The following POFUT3 variants were observed in gnomAD, a reference collection of about 807,000 sequenced individuals.
POFUT3 encodes the protein protein O-fucosyltransferase 3, also known as GDP-fucose protein O-fucosyltransferase 3.
chr8:33,391,799 G>A, the POFUT3 span, among the ~76,000 whole-genome samples: 25 of 152,144 alleles, frequency 1.6e-4, no homozygotes, highest in African/African-American at 5.8e-4. Flanking sequence ...ACAAAAGTGG[G>A]TCCAGAATTA....
chr8:33,464,320 TCATTGGCA>T, the POFUT3 span, among the ~76,000 whole-genome samples: 2 of 152,148 alleles, frequency 1.3e-5, no homozygotes, highest in African/African-American at 4.8e-5. Context: ...GAGTAACCTA[TCATTGGCA>T]AGGCCTTTCC....
the POFUT3 span, among the ~76,000 whole-genome samples, chr8:33,329,974 CTAA>C: frequency 6.6e-6 from 1 of 151,710 alleles, no homozygotes; most frequent in Non-Finnish European, 1.5e-5. Flanking sequence ...TACCCTTTAA[CTAA>C]TAATAATAAT....
chr8:33,467,759 C>G, the POFUT3 span, among the ~76,000 whole-genome samples: 1 of 152,186 alleles, frequency 6.6e-6, no homozygotes, highest in Non-Finnish European at 1.5e-5. Flanking sequence ...TTAAGATGGA[C>G]AGAAGAGGGA....
At chr8:33,380,395 T>G in the POFUT3 span, among the ~76,000 whole-genome samples, 2 of 149,818 alleles carry the variant, frequency 1.3e-5, no homozygotes, top group African/African-American at 4.9e-5. Context: ...TAAGCTACTT[T>G]CAATTCTGAC....
chr8:33,389,497 G>A, the POFUT3 span: 1 of 1,614,190 alleles, frequency 6.2e-7, no homozygotes. Flanking sequence ...AGCTGTCCCT[G>A]TCTGATGGTG....
chr8:33,471,597 C>A, the POFUT3 span, among the ~76,000 whole-genome samples: 1 of 152,150 alleles, frequency 6.6e-6, no homozygotes, highest in Non-Finnish European at 1.5e-5. Flanking sequence ...TTGGAAATAT[C>A]TGCCTACTGA....
chr8:33,442,206 C>A, the POFUT3 span, among the ~76,000 whole-genome samples: 1 of 152,106 alleles, frequency 6.6e-6, no homozygotes, highest in Non-Finnish European at 1.5e-5. Context: ...ACCTTGTGAT[C>A]TGCCCGCCTC....
chr8:33,446,854 G>A, the POFUT3 span, among the ~76,000 whole-genome samples: 1 of 152,202 alleles, frequency 6.6e-6, no homozygotes, highest in Non-Finnish European at 1.5e-5. Context: ...ATTGAAGAAT[G>A]AGGACTGCAG....
chr8:33,464,302 T>C, the POFUT3 span, among the ~76,000 whole-genome samples: 3 of 152,176 alleles, frequency 2.0e-5, no homozygotes, highest in Non-Finnish European at 4.4e-5. Context: ...AGATTGCTAA[T>C]ATTTGTTGAG....
chr8:33,454,869 T>C, the POFUT3 span, among the ~76,000 whole-genome samples: 1 of 152,030 alleles, frequency 6.6e-6, no homozygotes, highest in Non-Finnish European at 1.5e-5. Context: ...GGTTTCACTA[T>C]ATTGGCCAGG....
the POFUT3 span, among the ~76,000 whole-genome samples, chr8:33,404,083 A>T: frequency 6.6e-6 from 1 of 152,172 alleles, no homozygotes; most frequent in Non-Finnish European, 1.5e-5. Context: ...CACACCTGTA[A>T]TCCTAGCACT....
At chr8:33,356,497 T>C in the POFUT3 span, among the ~76,000 whole-genome samples, 1 of 152,214 alleles carries the variant, frequency 6.6e-6, no homozygotes, top group Non-Finnish European at 1.5e-5. Context: ...TTCATGTCCT[T>C]TGCCCACTTT....
chr8:33,401,758 G>A, the POFUT3 span, among the ~76,000 whole-genome samples: 7 of 151,928 alleles, frequency 4.6e-5, no homozygotes, highest in Non-Finnish European at 8.8e-5. Context: ...GGCCAGGCAC[G>A]GTGGCTCACC....
the POFUT3 span, among the ~76,000 whole-genome samples, chr8:33,407,630 TCAGCAAACCCTC>T: frequency 8.5e-5 from 13 of 152,176 alleles, no homozygotes; most frequent in African/African-American, 3.1e-4. Context: ...ATGCAAGCCT[TCAGCAAACCCTC>T]CAGCTGGATT....
the POFUT3 span, among the ~76,000 whole-genome samples, chr8:33,361,798 A>T: frequency 6.6e-6 from 1 of 152,182 alleles, no homozygotes; most frequent in Non-Finnish European, 1.5e-5. Flanking sequence ...GGCATTTTTC[A>T]TGTTCCTGAA....
chr8:33,384,945 G>A, the POFUT3 span, among the ~76,000 whole-genome samples: 1 of 151,848 alleles, frequency 6.6e-6, no homozygotes, highest in South Asian at 2.1e-4. Context: ...TGACAACAAT[G>A]TGACAGTGGG....
At chr8:33,370,247 T>G in the POFUT3 span, among the ~76,000 whole-genome samples, 1 of 146,026 alleles carries the variant, frequency 6.8e-6, no homozygotes, top group Non-Finnish European at 1.5e-5. Flanking sequence ...CCCAGCTACT[T>G]GGGAGGCTGA....
the POFUT3 span, among the ~76,000 whole-genome samples, chr8:33,368,519 T>TG: frequency 1.3e-5 from 2 of 152,206 alleles, no homozygotes; most frequent in African/African-American, 4.8e-5. Context: ...AGAGAGGGCT[T>TG]GTCTCCTAGG....
At chr8:33,399,294 G>A in the POFUT3 span, among the ~76,000 whole-genome samples, 2 of 152,170 alleles carry the variant, frequency 1.3e-5, no homozygotes, top group African/African-American at 4.8e-5. Context: ...TAGGAGAAGT[G>A]TGTTAAAATC....
Sources: allele counts gnomAD v4.1 joint callset (sites outside exome capture counted in the v4.1 genomes callset), GRCh38; gene constraint gnomAD v4.1.1; transcripts MANE v1.5; gene names NCBI Gene and HGNC (gene_info 2026-07-23, HGNC 2026-07-21).